MGAT4C: variants seen among roughly 807,000 people sequenced by gnomAD.
MGAT4C encodes the protein alpha-1,3-mannosyl-glycoprotein 4-beta-N-acetylglucosaminyltransferase C.
In MGAT4C, 19 loss-of-function variants were observed where a neutral mutation model predicts 40.1. The ratio of observed to expected loss-of-function variants is 0.47; its 90% CI spans 0.33 to 0.70. The LOEUF is 0.70. Among genes scored for constraint, MGAT4C ranks in the 30% least tolerant of loss-of-function variants. MGAT4C has a pLI of 0.02. For synonymous variants in MGAT4C, 181 were observed against 187.1 expected (o/e 0.97, Z 0.27); for missense variants, 491 against 563.2 (o/e 0.87, Z 1.30).
At chr12:86,600,846 CG>C (rs1961744342) in intron 2 of MGAT4C, among the ~76,000 whole-genome samples, 1 of 152,198 alleles carries the variant, frequency 6.6e-6, no homozygotes. Context: ...CTCTCGGGGC[CG>C]GGAAAGCCCC....
At chr12:86,684,921 G>C (rs144862164) in intron 2 of MGAT4C, among the ~76,000 whole-genome samples, 1 of 151,814 alleles carries the variant, frequency 6.6e-6, no homozygotes, top group Non-Finnish European at 1.5e-5. Context: ...GTTCCTTTTA[G>C]ATTCTGGATA....
intron 1 of MGAT4C, among the ~76,000 whole-genome samples, chr12:86,729,402 A>G (rs578158266): frequency 6.6e-6 from 1 of 152,190 alleles, no homozygotes; most frequent in East Asian, 1.9e-4. Flanking sequence ...ATAAACTTTT[A>G]TAACTAATAA....
At chr12:86,716,177 T>C (rs1950642543) in intron 2 of MGAT4C, among the ~76,000 whole-genome samples, 1 of 152,108 alleles carries the variant, frequency 6.6e-6, no homozygotes, top group Admixed American at 6.6e-5. Context: ...AAACCATCAG[T>C]CATCCCATAC....
intron 1 of MGAT4C, among the ~76,000 whole-genome samples, chr12:86,215,475 T>C (rs1183582048): frequency 5.3e-5 from 8 of 152,160 alleles, no homozygotes; most frequent in Admixed American, 3.3e-4. Context: ...GTATACTCTT[T>C]TAATAAGTAG....
At chr12:86,245,550 A>T (rs1951990274) in intron 1 of MGAT4C, among the ~76,000 whole-genome samples, 1 of 152,096 alleles carries the variant, frequency 6.6e-6, no homozygotes, top group Non-Finnish European at 1.5e-5. Context: ...AATACAAGAG[A>T]TTTCTGAGTG....
At chr12:86,676,521 A>C (rs1964404102) in intron 2 of MGAT4C, among the ~76,000 whole-genome samples, 1 of 152,156 alleles carries the variant, frequency 6.6e-6, no homozygotes, top group Non-Finnish European at 1.5e-5. Context: ...TTAGCAATAC[A>C]TATACTTGTG....
At chr12:86,741,313 A>T (rs1190164628) in intron 1 of MGAT4C, among the ~76,000 whole-genome samples, 3 of 151,292 alleles carry the variant, frequency 2.0e-5, no homozygotes, top group Non-Finnish European at 4.4e-5. Context: ...ACTTTAAATT[A>T]TTTGGTTTTA....
At chr12:86,557,108 A>G (rs1227365328) in intron 2 of MGAT4C, among the ~76,000 whole-genome samples, 18 of 152,214 alleles carry the variant, frequency 1.2e-4, no homozygotes, top group Non-Finnish European at 2.6e-4. Context: ...TATAGAAATA[A>G]GGTATACACT....
chr12:86,711,744 C>A (rs558997005), intron 2 of MGAT4C, among the ~76,000 whole-genome samples: 9 of 152,072 alleles, frequency 5.9e-5, no homozygotes, highest in African/African-American at 2.2e-4. Context: ...TACACAAAAA[C>A]GAAGAATTTA....
chr12:85,995,041 A>G (rs1258556165), intron 2 of MGAT4C, among the ~76,000 whole-genome samples: 5 of 152,232 alleles, frequency 3.3e-5, no homozygotes, highest in African/African-American at 9.6e-5. Flanking sequence ...AACTGAAAGT[A>G]TTAACATTTT....
intron 1 of MGAT4C, among the ~76,000 whole-genome samples, chr12:86,126,453 C>T (rs1880280554): frequency 6.6e-6 from 1 of 152,060 alleles, no homozygotes; most frequent in Non-Finnish European, 1.5e-5. Flanking sequence ...AACCGTTGTA[C>T]TAAATTTGGC....
At chr12:86,765,891 T>C (rs1951496955) in intron 1 of MGAT4C, among the ~76,000 whole-genome samples, 1 of 152,100 alleles carries the variant, frequency 6.6e-6, no homozygotes, top group Admixed American at 6.6e-5. Flanking sequence ...AAGGAACAAC[T>C]GGTACCAGCT....
intron 1 of MGAT4C, among the ~76,000 whole-genome samples, chr12:86,790,754 A>G (rs1460655298): frequency 2.0e-5 from 3 of 152,124 alleles, no homozygotes; most frequent in Non-Finnish European, 4.4e-5. Context: ...AGACTAATAA[A>G]ATTGAATCTC....
chr12:86,308,185 G>A lies in MGAT4C; in HGVS notation c.-57+25880C>T, dbSNP rs144181884. 6.0e-3 allele frequency among the ~76,000 whole-genome samples: 902 copies of A among 150,704 alleles called. 11 individuals carry two copies. Among genetic ancestry groups the A allele is most frequent in the Middle Eastern group, 0.01 (3 of 294 alleles). On this transcript the variant is annotated intron_variant, in intron 4 of 7. Transcript: ENST00000548651. ...ATTTGCACACACAGACATGTATAAT[G>A]TATATACAGGACTTTTGAACATCTT...
chr12:86,622,179 G>T (rs2136490475), intron 2 of MGAT4C, among the ~76,000 whole-genome samples: 1 of 152,224 alleles, frequency 6.6e-6, no homozygotes, highest in Admixed American at 6.6e-5. Context: ...AAATGGGGAA[G>T]TATCTGTATA....
rs1196942441 is a variant in MGAT4C at position 86,143,227 on chromosome 12, A to G, written c.-56-93504T>C. Among the ~76,000 whole-genome samples, 4 of 152,206 alleles carry G rather than the reference A, an allele frequency of 2.6e-5. No homozygotes were observed. In the East Asian group the frequency reaches 7.7e-4, roughly 29 times the overall value. Reference sequence around the variant, plus strand: ...CCTGGGATCCTCCAAATTTCTACATAGTGAAGCCAGATGACACAGCAACTC... The same window carrying G: ...CCTGGGATCCTCCAAATTTCTACATGGTGAAGCCAGATGACACAGCAACTC... On this transcript the variant is annotated intron_variant, in intron 1 of 4. Coordinates refer to ENST00000611864, the MANE Select transcript of MGAT4C (RefSeq NM_001351288.2).
At chr12:86,108,768 C>T (rs1876680520) in intron 1 of MGAT4C, among the ~76,000 whole-genome samples, 1 of 152,084 alleles carries the variant, frequency 6.6e-6, no homozygotes, top group South Asian at 2.1e-4. Flanking sequence ...GCCTCAGGAC[C>T]ACCATCATGA....
chr12:86,821,139 T>C (rs1952698004), intron 1 of MGAT4C, among the ~76,000 whole-genome samples: 1 of 150,874 alleles, frequency 6.6e-6, no homozygotes, highest in African/African-American at 2.4e-5. Flanking sequence ...AAAGAATGAG[T>C]GTGTATGTAA....
At chr12:86,140,791 C>A (rs918227760) in intron 1 of MGAT4C, among the ~76,000 whole-genome samples, 4 of 152,124 alleles carry the variant, frequency 2.6e-5, no homozygotes, top group Admixed American at 2.0e-4. Context: ...AGTCAATGTT[C>A]ATTATACATG....
Sources: allele counts gnomAD v4.1 joint callset (sites outside exome capture counted in the v4.1 genomes callset), GRCh38; gene constraint gnomAD v4.1.1; transcripts MANE v1.5; gene names NCBI Gene and HGNC (gene_info 2026-07-23, HGNC 2026-07-21).